Variants in DZIP1L observed in about 807,000 individuals in gnomAD.
DZIP1L encodes cilium assembly protein DZIP1L.
A neutral mutation model predicts 88.7 loss-of-function variants in DZIP1L; 90 were observed. The observed-to-expected ratio is 1.02, with a 90% confidence interval of 0.86 to 1.21. The LOEUF is 1.21. Among genes scored for constraint, DZIP1L ranks in the 50% most tolerant of loss-of-function variants. DZIP1L has a pLI of 0.00. For synonymous variants in DZIP1L, 363 were observed against 372.1 expected, an observed-to-expected ratio of 0.98 and a Z score of 0.28; for missense variants, 932 against 955.8, an observed-to-expected ratio of 0.98 and a Z score of 0.33.
At position 138,097,867 on chromosome 3, in the gene DZIP1L, TG is replaced by T. The variant is rs780223567; in HGVS notation, c.502-21del. 1.2e-6 allele frequency: 2 copies of T among 1,601,622 alleles called. No individual in the cohort carries two copies. Among genetic ancestry groups the T allele is most frequent in the South Asian group, 2.2e-5 (2 of 88,986 alleles). On this transcript the variant is annotated intron_variant, in intron 2 of 15. Transcript: ENST00000327532. ...GTGGCACTATACAGAGAGGAAGCAATGGGGAGTACAAGATTAGGTCACCTGA... is the reference window on the plus strand; with the variant it reads ...GTGGCACTATACAGAGAGGAAGCAATGGGAGTACAAGATTAGGTCACCTGA...
chr3:138,069,269 T>C (rs1033937040), intron 12 of DZIP1L: 5 of 502,518 alleles, frequency 9.9e-6, no homozygotes, highest in Non-Finnish European at 1.8e-5. Context: ...CTTAATAACA[T>C]GTTCTTTTCT....
At chr3:138,082,259 TC>T (rs1943696569) in intron 8 of DZIP1L, among the ~76,000 whole-genome samples, 1 of 152,010 alleles carries the variant, frequency 6.6e-6, no homozygotes, top group Non-Finnish European at 1.5e-5. Context: ...TCCTGTTCCT[TC>T]CCCCTTCATG....
rs1944046799 is a variant in DZIP1L at position 138,088,399 on chromosome 3, T to C, written c.979A>G (p.Arg327Gly). The change falls in exon 6 of 16, where the codon AGA (arginine) becomes GGA (glycine). Residue 327 changes from arginine to glycine, a missense_variant. Physicochemically the swap from Arg to Gly is moderately radical, Grantham distance 125. Coordinates refer to ENST00000327532, the MANE Select transcript of DZIP1L (RefSeq NM_173543.3). Reference sequence around the variant, plus strand: ...CTCACCTGAATTTCTGTCTTCTCTCTCAGGGCCTGAAGCTCCCGTGCCTGC... The same window carrying C: ...CTCACCTGAATTTCTGTCTTCTCTCCCAGGGCCTGAAGCTCCCGTGCCTGC... ...LRQARELQAL[R>G]EKTEIQKTEW... 5 of 1,613,256 alleles carry C rather than the reference T, an allele frequency of 3.1e-6. No homozygotes were observed. Among genetic ancestry groups the C allele is most frequent in the Non-Finnish European group, 3.4e-6 (4 of 1,179,632 alleles).
At chr3:138,079,184 G>A (rs867796528) in intron 10 of DZIP1L, among the ~76,000 whole-genome samples, 2 of 152,284 alleles carry the variant, frequency 1.3e-5, no homozygotes, top group Middle Eastern at 3.4e-3. Context: ...GTAACAGCAG[G>A]GGCATGGCCA....
chr3:138,111,449 A>G (rs1261507692), intron 1 of DZIP1L, among the ~76,000 whole-genome samples: 1 of 152,166 alleles, frequency 6.6e-6, no homozygotes, highest in Non-Finnish European at 1.5e-5. Flanking sequence ...ATCAATGAGA[A>G]GTCGCAGTGC....
At chr3:138,096,896 T>C (rs557022462) in intron 3 of DZIP1L, among the ~76,000 whole-genome samples, 1 of 152,258 alleles carries the variant, frequency 6.6e-6, no homozygotes, top group African/African-American at 2.4e-5. Flanking sequence ...AAAGTGAATA[T>C]AGGTTGGGTG....
chr3:138,068,894 T>C, intron 12 of DZIP1L: 3 of 1,245,948 alleles, frequency 2.4e-6, no homozygotes, highest in Non-Finnish European at 3.0e-6. Flanking sequence ...CATCAAGACC[T>C]ATAGCCACAA....
chr3:138,085,169 A>G (rs1278420244), intron 7 of DZIP1L, among the ~76,000 whole-genome samples: 104 of 152,028 alleles, frequency 6.8e-4, no homozygotes, highest in African/African-American at 2.4e-3. Context: ...GAAAACCTAG[A>G]CATTACCATT....
At chr3:138,077,450 T>C in intron 11 of DZIP1L, 49 bp downstream of exon 11, 1 of 1,606,874 alleles carries the variant, frequency 6.2e-7, no homozygotes, top group Non-Finnish European at 8.5e-7. Context: ...GAACACTTAG[T>C]GTCTAAATCG....
At chr3:138,101,217 C>T (rs962575633) in intron 2 of DZIP1L, among the ~76,000 whole-genome samples, 3 of 126,964 alleles carry the variant, frequency 2.4e-5, no homozygotes, top group Non-Finnish European at 3.5e-5. Flanking sequence ...CACACACACA[C>T]AAACACTATT....
chr3:138,102,449 C>G (rs1236354782), intron 2 of DZIP1L: 1 of 1,452,206 alleles, frequency 6.9e-7, no homozygotes, highest in African/African-American at 1.4e-5. Flanking sequence ...TTCAGCTTCT[C>G]CTGGCCCAGA....
rs1393767983 is a variant in DZIP1L, at chr3:138,064,567, C to T, written c.2142+61G>A. 7 of 1,613,794 alleles carry T rather than the reference C, an allele frequency of 4.3e-6. No individual in the cohort carries two copies. The South Asian group carries it at 7.7e-5, about 18-fold the overall frequency. Reference sequence around the variant, plus strand: ...TCCCCAACCTTCACCCCAGGCCCCCCAAACTCAGAGCTGGTTCTGTAGAGA... The same window carrying T: ...TCCCCAACCTTCACCCCAGGCCCCCTAAACTCAGAGCTGGTTCTGTAGAGA... On this transcript the variant is annotated intron_variant, in intron 15 of 15. Transcript: ENST00000327532.
chr3:138,069,558 C>A (rs1432998236), intron 12 of DZIP1L, among the ~76,000 whole-genome samples: 2 of 152,172 alleles, frequency 1.3e-5, no homozygotes, highest in African/African-American at 4.8e-5. Flanking sequence ...AAGGGGAAGA[C>A]AAAGACAAGC....
chr3:138,092,855 C>T (rs569241454), intron 4 of DZIP1L, among the ~76,000 whole-genome samples: 1 of 152,332 alleles, frequency 6.6e-6, no homozygotes, highest in South Asian at 2.1e-4. Context: ...TCAGGCTCCA[C>T]TTCTAAGTCT....
Position 138,080,627 on chromosome 3 carries a change from A to G in DZIP1L, c.1235-7T>C. ...TTTGGCACCTTGTGGATCCCTGAAG[A>G]GAGGAGGAACAGTTAGTGGCACCAG... is the stretch of plus-strand genomic sequence containing the variant. On this transcript the variant is annotated splice_region_variant and splice_polypyrimidine_tract_variant and intron_variant, in intron 9 of 15. Transcript: ENST00000327532. 6.2e-7 allele frequency: 1 copy of G among 1,612,830 alleles called. No homozygotes were observed. Among genetic ancestry groups the G allele is most frequent in the Non-Finnish European group, 8.5e-7 (1 of 1,179,414 alleles).
chr3:138,088,182 G>A (rs1056564705), intron 6 of DZIP1L, among the ~76,000 whole-genome samples, 197 bp downstream of exon 6: 2 of 152,150 alleles, frequency 1.3e-5, no homozygotes, highest in African/African-American at 4.8e-5. Context: ...AAGATCTTAG[G>A]CAAATCTGAC....
intron 4 of DZIP1L, among the ~76,000 whole-genome samples, chr3:138,094,290 C>T (rs1944367457): frequency 6.6e-6 from 1 of 152,192 alleles, no homozygotes. Flanking sequence ...TAAACTTGCT[C>T]AACACAGGGT....
At chr3:138,109,104 C>T (rs1344743137) in intron 1 of DZIP1L, among the ~76,000 whole-genome samples, 1 of 152,178 alleles carries the variant, frequency 6.6e-6, no homozygotes, top group Non-Finnish European at 1.5e-5. Flanking sequence ...TTGGCTAATT[C>T]CAAATACACT....
chr3:138,097,181 CAAA>C (rs71304267), intron 3 of DZIP1L, among the ~76,000 whole-genome samples: 1 of 103,368 alleles, frequency 9.7e-6, no homozygotes. Context: ...GACCCTGTCT[CAAA>C]AAAAAAAAAA....
Sources: allele counts gnomAD v4.1 joint callset (sites outside exome capture counted in the v4.1 genomes callset), GRCh38; gene constraint gnomAD v4.1.1; transcripts MANE v1.5; gene names NCBI Gene and HGNC (gene_info 2026-07-23, HGNC 2026-07-21).